The following CNTN5 variants were observed in gnomAD, a reference collection of about 807,000 sequenced individuals.
CNTN5 encodes contactin 5, also known as contactin-5.
Under a neutral mutation model 129.1 loss-of-function variants are expected in CNTN5, and 77 were observed. The observed-to-expected ratio is 0.60, with a 90% CI of 0.50 to 0.72. CNTN5 has a LOEUF of 0.72. Among genes scored for constraint, CNTN5 ranks in the 30% least tolerant of loss-of-function variants. CNTN5 has a pLI of 0.00. For missense variants in CNTN5, 1,478 were observed against 1,328.8 expected, an observed-to-expected ratio of 1.11 and a Z score of -1.75; for synonymous variants, 509 against 465.6, an observed-to-expected ratio of 1.09 and a Z score of -1.20.
intron 20 of CNTN5, among the ~76,000 whole-genome samples, chr11:100,304,311 G>A (rs1951296963): frequency 1.3e-5 from 2 of 151,634 alleles, no homozygotes; most frequent in African/African-American, 4.8e-5. Context: ...TATAATGCTA[G>A]TACAGTCTCA....
At chr11:100,075,468 G>T (rs1435843524) in intron 13 of CNTN5, among the ~76,000 whole-genome samples, 3 of 152,158 alleles carry the variant, frequency 2.0e-5, no homozygotes, top group African/African-American at 7.2e-5. Context: ...AGTTTTGTGT[G>T]ACACAGGGGC....
intron 13 of CNTN5, among the ~76,000 whole-genome samples, chr11:100,158,261 T>C (rs1947324035): frequency 6.6e-6 from 1 of 151,824 alleles, no homozygotes; most frequent in Admixed American, 6.6e-5. Context: ...TGGAGAGTTG[T>C]TGGTCAAAGG....
At chr11:99,848,452 A>G (rs1947772046) in intron 6 of CNTN5, among the ~76,000 whole-genome samples, 1 of 152,124 alleles carries the variant, frequency 6.6e-6, no homozygotes, top group Admixed American at 6.5e-5. Flanking sequence ...TATACAACTA[A>G]TATTTCAAAA....
intron 1 of CNTN5, among the ~76,000 whole-genome samples, chr11:99,253,916 T>C (rs931978791): frequency 7.0e-6 from 1 of 142,342 alleles, no homozygotes; most frequent in Non-Finnish European, 1.5e-5. Context: ...TATATATATA[T>C]ATATATATTT....
chr11:100,107,864 G>A (rs1158650263), intron 13 of CNTN5, among the ~76,000 whole-genome samples: 1 of 151,920 alleles, frequency 6.6e-6, no homozygotes, highest in Middle Eastern at 3.4e-3. Flanking sequence ...ATGTATGCAT[G>A]TGTGTGTGCT....
At chr11:99,773,997 TC>T (rs1452598418) in intron 3 of CNTN5, among the ~76,000 whole-genome samples, 3 of 152,136 alleles carry the variant, frequency 2.0e-5, no homozygotes, top group African/African-American at 7.2e-5. Context: ...GATATAAAGT[TC>T]CATTCATCTC....
rs781196069 is a variant in CNTN5 at position 99,916,154 on chromosome 11, A to G, written c.673+5A>G. On this transcript the variant is annotated splice_donor_5th_base_variant and intron_variant, in intron 7 of 24. Transcript: ENST00000524871. ...CTCCTCCGCCACATTCACCAGGTAC[A>G]GTAGGATCTCATTCTTTGCTGCTGC... 1.2e-6 allele frequency: 2 copies of G among 1,608,112 alleles called. No individual in the cohort carries two copies. Among genetic ancestry groups the G allele is most frequent in the Non-Finnish European group, 1.7e-6 (2 of 1,176,166 alleles).
At chr11:99,190,955 T>G (rs1193924908) in intron 1 of CNTN5, among the ~76,000 whole-genome samples, 3 of 151,768 alleles carry the variant, frequency 2.0e-5, no homozygotes, top group African/African-American at 7.2e-5. Flanking sequence ...CTTTTCACTG[T>G]TCAGAAGGAT....
chr11:100,112,522 T>C (rs1945689409), intron 13 of CNTN5, among the ~76,000 whole-genome samples: 2 of 152,130 alleles, frequency 1.3e-5, no homozygotes, highest in African/African-American at 2.4e-5. Flanking sequence ...TATAAATTAG[T>C]CTGGTGTTAG....
intron 13 of CNTN5, among the ~76,000 whole-genome samples, chr11:100,161,863 AC>A (rs1230299735): frequency 6.0e-5 from 9 of 149,576 alleles, no homozygotes; most frequent in Non-Finnish European, 1.3e-4. Flanking sequence ...ACACACACAC[AC>A]ACACACACAA....
chr11:99,921,466 A>C lies in CNTN5; in HGVS notation c.673+5317A>C, dbSNP rs67141779. On this transcript the variant is annotated intron_variant, in intron 7 of 24. Coordinates refer to ENST00000524871, the MANE Select transcript of CNTN5 (RefSeq NM_014361.4). Reference sequence around the variant, plus strand: ...CATATCTTTCTTTAAATATCACCTTAGTAAAACCTTTTACAATCTTCCTCT... The same window carrying C: ...CATATCTTTCTTTAAATATCACCTTCGTAAAACCTTTTACAATCTTCCTCT... Among the ~76,000 whole-genome samples the C allele has an allele frequency of 7.9e-5, 12 of 152,142 alleles. No homozygotes were observed. In the South Asian group the frequency reaches 2.5e-3, roughly 32 times the overall value.
chr11:99,898,153 A>G (rs552109148), intron 6 of CNTN5, among the ~76,000 whole-genome samples: 1 of 152,216 alleles, frequency 6.6e-6, no homozygotes, highest in East Asian at 1.9e-4. Context: ...GTAATGCTGC[A>G]TCTCAAAGAA....
chr11:99,934,411 T>TA (rs1950260231), intron 7 of CNTN5, among the ~76,000 whole-genome samples: 1 of 152,218 alleles, frequency 6.6e-6, no homozygotes, highest in Admixed American at 6.5e-5. Flanking sequence ...ACAGTTGTTT[T>TA]AAAAATCTCA....
intron 9 of CNTN5, among the ~76,000 whole-genome samples, chr11:100,024,485 G>C (rs1941311482): frequency 6.6e-6 from 1 of 152,162 alleles, no homozygotes; most frequent in South Asian, 2.1e-4. Context: ...CTTTGGAACT[G>C]GGTAACAGGC....
chr11:99,496,644 G>A (rs1277007690), intron 2 of CNTN5, among the ~76,000 whole-genome samples: 16 of 152,124 alleles, frequency 1.1e-4, no homozygotes, highest in Non-Finnish European at 5.9e-5. Flanking sequence ...CAAAATGCAG[G>A]CATTAAACAA....
chr11:99,420,568 G>C (rs1276905511), intron 2 of CNTN5, among the ~76,000 whole-genome samples: 2 of 152,076 alleles, frequency 1.3e-5, no homozygotes, highest in African/African-American at 2.4e-5. Context: ...ACAACATGTA[G>C]AGCCTTCCTA....
chr11:99,742,887 C>T (rs1266416902), intron 3 of CNTN5, among the ~76,000 whole-genome samples: 1 of 152,188 alleles, frequency 6.6e-6, no homozygotes, highest in Non-Finnish European at 1.5e-5. Flanking sequence ...TGTGCTAATG[C>T]ATCAGAATAA....
At chr11:99,084,540 A>T (rs377269589) in intron 1 of CNTN5, among the ~76,000 whole-genome samples, 1 of 151,800 alleles carries the variant, frequency 6.6e-6, no homozygotes, top group African/African-American at 2.4e-5. Context: ...TTTACATGTT[A>T]TGTTTTCAGA....
In CNTN5 at chr11:99,323,861, A is replaced by G. The variant is rs924697325; in HGVS notation, c.-209-1485A>G. Among the ~76,000 whole-genome samples the G allele has an allele frequency of 2.0e-5, 3 of 152,298 alleles. No individual in the cohort carries two copies. The East Asian group carries it at 5.8e-4, about 29-fold the overall frequency. ...AAATTGTTACAATATTAAGAAAAGA[A>G]TGAAGGGAGAAGAAAAAAGGAAGAG... On this transcript the variant is annotated intron_variant, in intron 1 of 24. Transcript: ENST00000524871.
Sources: allele counts gnomAD v4.1 joint callset (sites outside exome capture counted in the v4.1 genomes callset), GRCh38; gene constraint gnomAD v4.1.1; transcripts MANE v1.5; gene names NCBI Gene and HGNC (gene_info 2026-07-23, HGNC 2026-07-21).